PDE1A: variants seen among roughly 807,000 people sequenced by gnomAD.
PDE1A encodes the protein phosphodiesterase 1A, also known as dual specificity calcium/calmodulin-dependent 3',5'-cyclic nucleotide phosphodiesterase 1A.
PDE1A carries 35 observed loss-of-function variants against 61.7 expected under a neutral mutation model. The observed-to-expected ratio is 0.57, with a 90% CI of 0.43 to 0.75. The LOEUF is 0.75. Ranked by LOEUF, PDE1A falls within the 30% of genes least tolerant of loss-of-function variation. PDE1A has a pLI of 0.00. For missense variants in PDE1A, 597 were observed against 630.6 expected, an observed-to-expected ratio of 0.95 and a Z score of 0.57; for synonymous variants, 232 against 213.2, an observed-to-expected ratio of 1.09 and a Z score of -0.77.
chr2:182,289,292 T>C (rs1185964627), intron 1 of PDE1A, among the ~76,000 whole-genome samples: 1 of 149,370 alleles, frequency 6.7e-6, no homozygotes, highest in Non-Finnish European at 1.5e-5. Context: ...AAGTTTTGTT[T>C]ATTTAAAAAC....
At chr2:182,390,768 T>C (rs1031130704) in intron 1 of PDE1A, among the ~76,000 whole-genome samples, 1 of 152,188 alleles carries the variant, frequency 6.6e-6, no homozygotes, top group African/African-American at 2.4e-5. Context: ...GGAATGGGGA[T>C]GTGTGGGAAG....
intron 1 of PDE1A, among the ~76,000 whole-genome samples, chr2:182,303,106 C>T (rs1440022265): frequency 6.6e-6 from 1 of 152,110 alleles, no homozygotes; most frequent in African/African-American, 2.4e-5. Context: ...CTTCCAATTC[C>T]TGTTAATGTT....
At chr2:182,627,219 A>T in the PDE1A span, among the ~76,000 whole-genome samples, 5 of 27,566 alleles carry the variant, frequency 1.8e-4, no homozygotes, top group African/African-American at 5.0e-4. Flanking sequence ...ATAAAATATA[A>T]ATAATATATT....
the PDE1A span, among the ~76,000 whole-genome samples, chr2:182,660,260 A>G: frequency 6.6e-6 from 1 of 152,236 alleles, no homozygotes; most frequent in Non-Finnish European, 1.5e-5. Flanking sequence ...GAAAAGAGAA[A>G]GATTCATTGA....
chr2:182,436,361 T>C (rs1052476177), intron 2 of PDE1A, among the ~76,000 whole-genome samples: 5 of 152,150 alleles, frequency 3.3e-5, no homozygotes, highest in African/African-American at 1.2e-4. Context: ...CCATAATTTT[T>C]TTGTACTTTT....
intron 1 of PDE1A, among the ~76,000 whole-genome samples, chr2:182,387,544 G>C (rs1701186314): frequency 6.6e-6 from 1 of 152,106 alleles, no homozygotes; most frequent in Non-Finnish European, 1.5e-5. Context: ...GATGTCCTTA[G>C]GTCAGGAGTT....
the PDE1A span, among the ~76,000 whole-genome samples, chr2:182,697,357 C>A: frequency 7.2e-5 from 11 of 152,188 alleles, no homozygotes; most frequent in African/African-American, 2.4e-4. Context: ...TCTTTACCTA[C>A]AAATATGATT....
intron 2 of PDE1A, among the ~76,000 whole-genome samples, chr2:182,256,939 T>C (rs957075091): frequency 1.3e-5 from 2 of 152,232 alleles, no homozygotes; most frequent in African/African-American, 2.4e-5. Context: ...CCATTCCACA[T>C]TAATTCCTCA....
chr2:182,442,283 G>T (rs1237614404), intron 2 of PDE1A, among the ~76,000 whole-genome samples: 3 of 151,794 alleles, frequency 2.0e-5, no homozygotes, highest in African/African-American at 7.3e-5. Flanking sequence ...TAAATAATTG[G>T]CCTGTACTCT....
At chr2:182,576,704 T>A in the PDE1A span, among the ~76,000 whole-genome samples, 1 of 152,218 alleles carries the variant, frequency 6.6e-6, no homozygotes, top group African/African-American at 2.4e-5. Flanking sequence ...GGGTTCCAAT[T>A]TCTCTAAATC....
At chr2:182,408,991 A>G (rs375641510) in intron 1 of PDE1A, among the ~76,000 whole-genome samples, 1 of 152,210 alleles carries the variant, frequency 6.6e-6, no homozygotes, top group Admixed American at 6.5e-5. Context: ...GGCTGCCCAG[A>G]GCCACAGGTC....
At chr2:182,300,348 C>T (rs1426885885) in intron 1 of PDE1A, among the ~76,000 whole-genome samples, 1 of 152,154 alleles carries the variant, frequency 6.6e-6, no homozygotes, top group East Asian at 1.9e-4. Context: ...ATATAACTGG[C>T]TGATGGAGCT....
At chr2:182,474,439 T>C (rs768280250) in intron 2 of PDE1A, among the ~76,000 whole-genome samples, 2 of 151,922 alleles carry the variant, frequency 1.3e-5, no homozygotes, top group Non-Finnish European at 2.9e-5. Flanking sequence ...GGATGCACTT[T>C]GGGGTCCAAC....
the PDE1A span, among the ~76,000 whole-genome samples, chr2:182,582,365 C>T: frequency 5.9e-5 from 9 of 152,132 alleles, no homozygotes; most frequent in Admixed American, 2.0e-4. Context: ...CTATGCTACA[C>T]GCAGATGGTC....
the PDE1A span, among the ~76,000 whole-genome samples, chr2:182,608,816 T>G: frequency 1.3e-5 from 2 of 152,238 alleles, no homozygotes; most frequent in Non-Finnish European, 1.5e-5. Flanking sequence ...CAGCTCCCCC[T>G]GCGCTCTGGT....
the PDE1A span, among the ~76,000 whole-genome samples, chr2:182,655,061 C>T: frequency 6.6e-6 from 1 of 152,102 alleles, no homozygotes; most frequent in Non-Finnish European, 1.5e-5. Context: ...GATGCCAATC[C>T]CCAACTCTCA....
the PDE1A span, among the ~76,000 whole-genome samples, chr2:182,609,705 C>T: frequency 6.6e-6 from 1 of 152,250 alleles, no homozygotes; most frequent in Non-Finnish European, 1.5e-5. Flanking sequence ...GGGTTCGCGG[C>T]TTCATTCTTG....
the PDE1A span, among the ~76,000 whole-genome samples, chr2:182,564,283 G>A: frequency 1.3e-5 from 2 of 152,148 alleles, no homozygotes; most frequent in Non-Finnish European, 2.9e-5. Context: ...TTGCTTGTCT[G>A]TAAAGTATTT....
chr2:182,255,438 G>T (rs1415128976), intron 2 of PDE1A, among the ~76,000 whole-genome samples: 3 of 152,112 alleles, frequency 2.0e-5, no homozygotes, highest in Non-Finnish European at 4.4e-5. Flanking sequence ...TAAAGAGTTT[G>T]CCCTCCACAT....
Sources: allele counts gnomAD v4.1 joint callset (sites outside exome capture counted in the v4.1 genomes callset), GRCh38; gene constraint gnomAD v4.1.1; transcripts MANE v1.5; gene names NCBI Gene and HGNC (gene_info 2026-07-23, HGNC 2026-07-21).